CAMSAP2: variants seen among roughly 807,000 people sequenced by gnomAD.
CAMSAP2 encodes the protein calmodulin regulated spectrin associated protein family member 2, also known as calmodulin-regulated spectrin-associated protein 2.
A neutral mutation model predicts 146.1 loss-of-function variants in CAMSAP2; 26 were observed. The observed-to-expected ratio is 0.18, with a 90% CI of 0.13 to 0.25. The LOEUF (loss-of-function observed/expected upper bound fraction) is 0.25, where lower values mean the gene tolerates loss of function less well. Among genes scored for constraint, CAMSAP2 ranks in the 10% least tolerant of loss-of-function variants. CAMSAP2 has a pLI of 1.00. For synonymous variants in CAMSAP2, 499 were observed against 596.6 expected (o/e 0.84, Z 2.38); for missense variants, 1,381 against 1,759.3 (o/e 0.78, Z 3.85).
chr1:200,812,736 C>T (rs1347577571), intron 3 of CAMSAP2, among the ~76,000 whole-genome samples: 1 of 152,142 alleles, frequency 6.6e-6, no homozygotes, highest in Non-Finnish European at 1.5e-5. Context: ...AGCAAAATCA[C>T]AGAAGACAAG....
chr1:200,822,559 T>C (rs1445211776), intron 4 of CAMSAP2, among the ~76,000 whole-genome samples: 1 of 152,222 alleles, frequency 6.6e-6, no homozygotes, highest in Non-Finnish European at 1.5e-5. Flanking sequence ...CAATGTAATA[T>C]CCAGAGGCAC....
intron 2 of CAMSAP2, among the ~76,000 whole-genome samples, chr1:200,775,500 A>C (rs1665245090): frequency 6.6e-6 from 1 of 152,100 alleles, no homozygotes; most frequent in African/African-American, 2.4e-5. Flanking sequence ...AAAATAGAAA[A>C]GCTTCCTTTT....
At chr1:200,830,666 A>C (rs1162326299) in intron 4 of CAMSAP2, among the ~76,000 whole-genome samples, 1 of 152,172 alleles carries the variant, frequency 6.6e-6, no homozygotes, top group Non-Finnish European at 1.5e-5. Flanking sequence ...GGTTGATTTT[A>C]AGCTGTTTCT....
intron 14 of CAMSAP2, 49 bp from the exon 15 acceptor site, chr1:200,855,961 C>G: frequency 1.6e-6 from 2 of 1,263,154 alleles, no homozygotes; most frequent in South Asian, 1.3e-5. Flanking sequence ...CCTCTGGGCC[C>G]CATTTTTTCT....
At chr1:200,840,223 A>G (rs1048909697) in intron 6 of CAMSAP2, among the ~76,000 whole-genome samples, 3 of 152,112 alleles carry the variant, frequency 2.0e-5, no homozygotes, top group African/African-American at 7.2e-5. Context: ...CTATCTCACT[A>G]TTAGTTGCTC....
chr1:200,773,223 A>G (rs1452852628), intron 2 of CAMSAP2, among the ~76,000 whole-genome samples: 1 of 152,128 alleles, frequency 6.6e-6, no homozygotes. Flanking sequence ...TTAAGCATAT[A>G]TTAACCATGA....
intron 2 of CAMSAP2, among the ~76,000 whole-genome samples, chr1:200,799,375 C>T (rs894734380): frequency 6.6e-6 from 1 of 151,878 alleles, no homozygotes; most frequent in South Asian, 2.1e-4. Flanking sequence ...TTCAGGGATT[C>T]GACTTCTTCC....
intron 2 of CAMSAP2, among the ~76,000 whole-genome samples, chr1:200,790,531 C>A (rs1665720855): frequency 2.0e-5 from 3 of 152,168 alleles, no homozygotes. Context: ...TTTCCTTCTC[C>A]AGCACTGGTT....
At position 200,857,921 on chromosome 1, in the gene CAMSAP2, T is replaced by C. The variant is rs751488106; in HGVS notation, c.4299T>C (p.Tyr1433=). 1.9e-6 allele frequency: 3 copies of C among 1,613,898 alleles called. No homozygotes were observed. Among genetic ancestry groups the C allele is most frequent in the South Asian group, 2.2e-5 (2 of 91,066 alleles). Residue 1433 remains tyrosine, a synonymous_variant, in exon 17 of 17, where the codon TAT becomes TAC. Coordinates refer to ENST00000358823, the MANE Select transcript of CAMSAP2 (RefSeq NM_203459.4). This position sits in a 1 kb window ranked among gnomAD's most constrained non-coding sequence, Gnocchi z 4.7. ...TKKMIEGLYK[Y]NSDRKQFSHI... ...AAATGATTGAAGGACTTTACAAATA[T>C]AATTCTGACAGGAAACAGTTTAGCC...
chr1:200,848,319 A>G lies in CAMSAP2; in HGVS notation c.1550A>G (p.Tyr517Cys). Residue 517 changes from tyrosine (Y) to cysteine (C), a missense_variant, in exon 11 of 17, where the codon TAC becomes TGC. Tyr to Cys is a radical substitution (Grantham distance 194). This residue lies in a region of CAMSAP2 where 447 missense variants were observed against 462.2 expected (regional missense o/e 0.97). Transcript: ENST00000358823. ...CTAAATTCTAATGAGAATATTCATT[A>G]CAAGCTTCCAAATGGAGCTTTACAA... The part of the protein sequence containing the change: ...NELNSNENIH[Y>C]KLPNGALQNR... The G allele has an allele frequency of 1.2e-6, 2 of 1,613,818 alleles. No homozygotes were observed. Among genetic ancestry groups the G allele is most frequent in the Non-Finnish European group, 1.7e-6 (2 of 1,179,868 alleles).
At chr1:200,815,830 G>C (rs955530791) in intron 4 of CAMSAP2, among the ~76,000 whole-genome samples, 186 bp downstream of exon 4, 2 of 152,114 alleles carry the variant, frequency 1.3e-5, no homozygotes, top group African/African-American at 4.8e-5. Flanking sequence ...ATTGGATGAT[G>C]GTGTTTGTAA....
Position 200,842,050 on chromosome 1 carries a change from G to T in CAMSAP2, c.984G>T (p.Pro328=), listed in dbSNP as rs748372846. The change falls in exon 7 of 17, where the codon CCG becomes CCT. Residue 328 remains proline (P), a synonymous_variant. Coordinates refer to ENST00000358823, the MANE Select transcript of CAMSAP2 (RefSeq NM_203459.4). ...ELFWWFEVVK[P]SFVQPRVVRP... The stretch of plus-strand genomic sequence containing the variant: ...TCTGGTGGTTTGAAGTGGTGAAGCC[G>T]TCTTTTGTACAGCCTCGTGTTGTTC... 7 of 1,613,820 alleles carry T rather than the reference G, an allele frequency of 4.3e-6. No homozygotes were observed. The South Asian group carries it at 7.7e-5, about 18-fold the overall frequency.
intron 1 of CAMSAP2, among the ~76,000 whole-genome samples, chr1:200,748,152 T>G (rs907677127): frequency 6.6e-6 from 1 of 152,170 alleles, no homozygotes; most frequent in African/African-American, 2.4e-5. Context: ...CTCAAATATA[T>G]ACAATAACAA....
In CAMSAP2 at chr1:200,824,911, G is replaced by C. The variant is rs145391117; in HGVS notation, c.646-7289G>C. On this transcript the variant is annotated intron_variant, in intron 4 of 16. Coordinates refer to ENST00000358823, the MANE Select transcript of CAMSAP2 (RefSeq NM_203459.4). ...GGAGAATTGCTTGAGCCCGGGAGGC[G>C]GAGGTTGCAGTGAGCCGAGATCGTG... 1.4e-3 allele frequency among the ~76,000 whole-genome samples: 216 copies of C among 152,126 alleles called. 1 individual carries two copies. The highest frequency in any genetic ancestry group is 5.0e-3 in the African/African-American group (207 of 41,496).
At chr1:200,746,719 C>T (rs1397003121) in intron 1 of CAMSAP2, among the ~76,000 whole-genome samples, 1 of 151,184 alleles carries the variant, frequency 6.6e-6, no homozygotes, top group Non-Finnish European at 1.5e-5. Flanking sequence ...CCCGGGTTCT[C>T]GCCATTCTCC....
intron 4 of CAMSAP2, among the ~76,000 whole-genome samples, chr1:200,831,381 A>G (rs760431804): frequency 2.6e-5 from 4 of 152,206 alleles, no homozygotes; most frequent in Admixed American, 1.3e-4. Context: ...TGGGAAAATG[A>G]GAAATGAGAG....
chr1:200,848,703 A>C lies in CAMSAP2; in HGVS notation c.1934A>C (p.Lys645Thr). ...GACTCTGACATGGATGATGCATCTA[A>C]ATTTCTTCAGGATTATGATATTCGA... ...SLDSDMDDAS[K>T]FLQDYDIRTG... The change falls in exon 11 of 17, where the codon AAA becomes ACA. Residue 645 changes from lysine to threonine, a missense_variant. Around this residue, in one of 4 missense-constraint regions of CAMSAP2, gnomAD observed 447 missense variants for 462.2 expected, o/e 0.97. Coordinates refer to ENST00000358823, the MANE Select transcript of CAMSAP2 (RefSeq NM_203459.4). 1 of 1,614,090 alleles carries C rather than the reference A, an allele frequency of 6.2e-7. No homozygotes were observed. Among genetic ancestry groups the C allele is most frequent in the Non-Finnish European group, 8.5e-7 (1 of 1,179,966 alleles).
intron 2 of CAMSAP2, among the ~76,000 whole-genome samples, chr1:200,798,541 T>C (rs1294138817): frequency 7.2e-6 from 1 of 139,056 alleles, no homozygotes; most frequent in Admixed American, 7.5e-5. Context: ...TTGCTGAAGT[T>C]GCTTATCAGC....
chr1:200,858,129 T>A lies in CAMSAP2; in HGVS notation c.*70T>A. On this transcript the variant is annotated 3_prime_UTR_variant, in exon 17 of 17. Coordinates refer to ENST00000358823, the MANE Select transcript of CAMSAP2 (RefSeq NM_203459.4). ...CTTCATCTTTCCTGCCTATAGAAAA[T>A]CTTTCTAATTGCCAACAAGACTTTT... The A allele has an allele frequency of 7.6e-7, 1 of 1,323,194 alleles. No individual in the cohort carries two copies. Among genetic ancestry groups the A allele is most frequent in the Non-Finnish European group, 1.0e-6 (1 of 968,400 alleles). The allele number at this position is 1,323,194 out of a possible 1,614,324, so 82.0% of individuals were successfully genotyped here. A position where few individuals can be genotyped will look rare whatever the true frequency, so the allele number is the denominator to read the frequency against.
Sources: gnomAD v4.1 joint callset for allele counts (sites outside exome capture counted in the v4.1 genomes callset) on GRCh38, gnomAD v4.1.1 for gene constraint, gnomAD v4.1.1 regional missense constraint, Gnocchi (gnomAD v3.1) non-coding constraint, MANE v1.5 for transcripts, NCBI Gene and HGNC (gene_info 2026-07-23, HGNC 2026-07-21) for gene names.